Variants in STRN observed in about 807,000 individuals in gnomAD.
STRN encodes protein phosphatase 2 regulatory subunit B'''alpha.
A neutral mutation model predicts 96.3 loss-of-function variants in STRN; 53 were observed. That is an observed-to-expected ratio of 0.55 (90% CI 0.44 to 0.69). The LOEUF is 0.69. Ranked by LOEUF, STRN falls within the 30% of genes least tolerant of loss-of-function variation. The pLI is 0.00. For missense variants in STRN, 987 were observed against 963.9 expected (o/e 1.02, Z -0.32); for synonymous variants, 428 against 355.9 (o/e 1.20, Z -2.28).
intron 1 of STRN, among the ~76,000 whole-genome samples, chr2:36,960,736 C>T (rs1044498953): frequency 7.9e-5 from 12 of 152,098 alleles, no homozygotes; most frequent in Non-Finnish European, 1.8e-4. Flanking sequence ...CAGGTCTCTG[C>T]CATATTGCCT....
At chr2:36,916,557 T>C (rs968008201) in intron 2 of STRN, among the ~76,000 whole-genome samples, 14 of 151,922 alleles carry the variant, frequency 9.2e-5, no homozygotes, top group Non-Finnish European at 2.9e-5. Flanking sequence ...CTCAAAAAAT[T>C]GAGCTTCTTA....
At chr2:36,920,638 C>CAAA (rs1312882065) in intron 2 of STRN, among the ~76,000 whole-genome samples, 5 of 62,122 alleles carry the variant, frequency 8.0e-5, no homozygotes, top group Non-Finnish European at 1.3e-4. Context: ...AACTCCGTCT[C>CAAA]AAAAAAAAAA....
In STRN at chr2:36,966,274, C is replaced by T; in HGVS notation, c.190G>A (p.Glu64Lys). Reference protein sequence around the residue: ...HFLQHEWARFEVERAQWEVER... With the variant: ...HFLQHEWARFKVERAQWEVER... ...ACCTCCCACTGGGCTCTCTCCACCT[C>T]GAAGCGGGCCCACTCGTGCTGCAGG... The change falls in exon 1 of 18, where the codon GAG becomes AAG. Residue 64 changes from glutamate to lysine, a missense_variant. By Grantham distance (56) the Glu-to-Lys change is moderately conservative (BLOSUM62 1). Transcript: ENST00000263918. 1 of 1,586,412 alleles carries T rather than the reference C, an allele frequency of 6.3e-7. No homozygotes were observed. Among genetic ancestry groups the T allele is most frequent in the Non-Finnish European group, 8.6e-7 (1 of 1,168,628 alleles).
rs146907807 is a variant in STRN at position 36,965,940 on chromosome 2, G to A, written c.234+290C>T. ...ACCGAGAGGGCAGCCCTGAGATGCA[G>A]GATGGCCAGAGAGTTGAAATGAGTC... On this transcript the variant is annotated intron_variant, in intron 1 of 17. Coordinates refer to ENST00000263918, the MANE Select transcript of STRN (RefSeq NM_003162.4). Among the ~76,000 whole-genome samples, 847 of 152,282 alleles carry A rather than the reference G, an allele frequency of 5.6e-3. 6 individuals carry two copies. The highest frequency in any genetic ancestry group is 0.034 in the Middle Eastern group (10 of 294).
At position 36,870,720 on chromosome 2, in the gene STRN, T is replaced by C. The variant is rs143848608; in HGVS notation, c.1324-991A>G. 2.8e-3 allele frequency among the ~76,000 whole-genome samples: 431 copies of C among 152,306 alleles called. 6 individuals are homozygous for C. The highest frequency in any genetic ancestry group is 0.022 in the East Asian group (116 of 5,186). ...ATGATAAACTGCTGTTACTGGTTTATGTTATTTATTATAATTTTTATTCTA... is the reference window on the plus strand; with the variant it reads ...ATGATAAACTGCTGTTACTGGTTTACGTTATTTATTATAATTTTTATTCTA... On this transcript the variant is annotated intron_variant, in intron 10 of 17. Coordinates refer to ENST00000263918, the MANE Select transcript of STRN (RefSeq NM_003162.4).
chr2:36,911,152 T>C (rs924343379), intron 3 of STRN, among the ~76,000 whole-genome samples: 16 of 152,206 alleles, frequency 1.1e-4, no homozygotes, highest in African/African-American at 3.6e-4. Flanking sequence ...CCTCCAAATC[T>C]GGCTCACATG....
chr2:36,920,424 A>T (rs1263233203), intron 2 of STRN, among the ~76,000 whole-genome samples: 1 of 151,390 alleles, frequency 6.6e-6, no homozygotes, highest in Non-Finnish European at 1.5e-5. Flanking sequence ...AGATCACCTG[A>T]GGTTGGGAGT....
chr2:36,908,908 G>C (rs887175992), intron 3 of STRN, among the ~76,000 whole-genome samples: 2 of 151,994 alleles, frequency 1.3e-5, no homozygotes. Context: ...ATGAACCTGG[G>C]AGGCAGAGGT....
At chr2:36,924,683 C>T (rs181277303) in intron 2 of STRN, among the ~76,000 whole-genome samples, 116 of 152,238 alleles carry the variant, frequency 7.6e-4, no homozygotes, top group African/African-American at 2.7e-3. Flanking sequence ...ATGTTTACTA[C>T]AGATACACCT....
chr2:36,876,876 T>C (rs75969025), intron 10 of STRN, among the ~76,000 whole-genome samples: 5,317 of 151,786 alleles, frequency 0.035, 140 homozygotes, highest in East Asian at 0.13. Flanking sequence ...GCCTCCCGAG[T>C]AGTTGGGACT....
chr2:36,882,433 G>C (rs1475527062), intron 9 of STRN, among the ~76,000 whole-genome samples: 1 of 152,148 alleles, frequency 6.6e-6, no homozygotes, highest in Non-Finnish European at 1.5e-5. Flanking sequence ...GAGTGCAGTA[G>C]CTATTCACTG....
At position 36,869,667 on chromosome 2, in the gene STRN, G is replaced by A. The variant is rs749468462; in HGVS notation, c.1386C>T (p.His462=). 6.2e-7 allele frequency: 1 copy of A among 1,612,460 alleles called. No homozygotes were observed. Among genetic ancestry groups the A allele is most frequent in the Non-Finnish European group, 8.5e-7 (1 of 1,179,218 alleles). The part of the protein sequence containing the change: ...TWNPKFTLRS[H]FDGIRALAFH... ...AAGCAAGGGCTCGGATGCCATCAAA[G>A]TGACTTCTCAATGTAAACTTAGGGT... Residue 462 remains histidine, a synonymous_variant, in exon 11 of 18, where the codon CAC becomes CAT. Coordinates refer to ENST00000263918, the MANE Select transcript of STRN (RefSeq NM_003162.4).
chr2:36,903,268 T>C (rs2148201284), intron 4 of STRN, among the ~76,000 whole-genome samples: 1 of 152,242 alleles, frequency 6.6e-6, no homozygotes, highest in African/African-American at 2.4e-5. Flanking sequence ...GCAATTAAAT[T>C]GTAGAATGTA....
At chr2:36,943,815 A>G (rs899321155) in intron 1 of STRN, among the ~76,000 whole-genome samples, 1 of 150,976 alleles carries the variant, frequency 6.6e-6, no homozygotes, top group Admixed American at 6.6e-5. Context: ...AAAAAAACCA[A>G]AACAGTTTAA....
chr2:36,860,184 T>G (rs1219067302), intron 13 of STRN, among the ~76,000 whole-genome samples: 1 of 152,116 alleles, frequency 6.6e-6, no homozygotes, highest in Non-Finnish European at 1.5e-5. Flanking sequence ...AGCAAGAGAT[T>G]AGAATGCAGT....
At chr2:36,948,692 C>A (rs908679848) in intron 1 of STRN, among the ~76,000 whole-genome samples, 2 of 152,094 alleles carry the variant, frequency 1.3e-5, no homozygotes, top group Non-Finnish European at 2.9e-5. Flanking sequence ...GTTAAATTGA[C>A]TGAACAGATT....
intron 11 of STRN, 123 bp downstream of exon 11, chr2:36,869,431 T>C: frequency 3.1e-6 from 3 of 954,168 alleles, no homozygotes. Context: ...ATAAATTACA[T>C]GACATGGAAG....
intron 4 of STRN, 159 bp from the exon 5 acceptor site, chr2:36,902,910 A>G (rs1558645665): frequency 4.1e-6 from 2 of 487,952 alleles, no homozygotes; most frequent in Non-Finnish European, 6.6e-6. Flanking sequence ...TTCCAGCTGC[A>G]GATGGAGCTG....
chr2:36,924,834 A>G (rs1343317989), intron 2 of STRN, among the ~76,000 whole-genome samples: 3 of 152,228 alleles, frequency 2.0e-5, no homozygotes, highest in African/African-American at 7.2e-5. Context: ...AGGTGGGCAG[A>G]TCACCTGAGG....
Sources: allele counts gnomAD v4.1 joint callset (sites outside exome capture counted in the v4.1 genomes callset), GRCh38; gene constraint gnomAD v4.1.1; transcripts MANE v1.5; gene names NCBI Gene and HGNC (gene_info 2026-07-23, HGNC 2026-07-21).